The following FAT3 variants were observed in gnomAD, a reference collection of about 807,000 sequenced individuals.
FAT3 encodes the protein FAT atypical cadherin 3, also known as protocadherin Fat 3.
FAT3 carries 95 observed loss-of-function variants against 310.2 expected under a neutral mutation model. The ratio of observed to expected loss-of-function variants is 0.31; its 90% CI spans 0.26 to 0.36. FAT3 has a LOEUF of 0.36. Among genes scored for constraint, FAT3 ranks in the 10% least tolerant of loss-of-function variants. FAT3 has a pLI of 1.00. For synonymous variants in FAT3, 2,314 were observed against 2,192.9 expected (o/e 1.06, Z -1.54); for missense variants, 5,408 against 5,715.6 (o/e 0.95, Z 1.74).
intron 2 of FAT3, chr11:92,498,374 CTATT>C (rs1952829732): frequency 1.3e-5 from 3 of 229,846 alleles, no homozygotes; most frequent in Non-Finnish European, 9.0e-6. Flanking sequence ...TGTCTGGAAT[CTATT>C]TATTGACCAT....
chr11:92,653,429 G>C (rs1052841040), intron 3 of FAT3, among the ~76,000 whole-genome samples: 20 of 152,118 alleles, frequency 1.3e-4, no homozygotes, highest in Non-Finnish European at 2.2e-4. Context: ...GCTCGAAGCT[G>C]ATAGATAAGC....
intron 2 of FAT3, among the ~76,000 whole-genome samples, chr11:92,392,739 G>A (rs567553087): frequency 2.0e-5 from 3 of 152,282 alleles, no homozygotes; most frequent in African/African-American, 7.2e-5. Flanking sequence ...CTCAATAAAG[G>A]TGAAATAAGT....
At chr11:92,863,817 C>A (rs903267137) in intron 21 of FAT3, among the ~76,000 whole-genome samples, 1 of 152,154 alleles carries the variant, frequency 6.6e-6, no homozygotes, top group African/African-American at 2.4e-5. Context: ...AGACAGTGTT[C>A]TTTTCTCTCT....
At chr11:92,865,322 T>G (rs1224683136) in intron 21 of FAT3, among the ~76,000 whole-genome samples, 2 of 152,266 alleles carry the variant, frequency 1.3e-5, no homozygotes, top group Admixed American at 6.5e-5. Context: ...TATTATGAGT[T>G]AAACACGTTT....
chr11:92,418,587 G>A (rs1254468029), intron 2 of FAT3, among the ~76,000 whole-genome samples: 1 of 151,984 alleles, frequency 6.6e-6, no homozygotes, highest in African/African-American at 2.4e-5. Context: ...TGGTAAGGAT[G>A]CTACTTACAG....
At chr11:92,723,140 G>A (rs1944910800) in intron 4 of FAT3, among the ~76,000 whole-genome samples, 1 of 152,138 alleles carries the variant, frequency 6.6e-6, no homozygotes, top group Admixed American at 6.6e-5. Flanking sequence ...AAACTTTTAT[G>A]CTGTTTCCCT....
intron 3 of FAT3, among the ~76,000 whole-genome samples, chr11:92,561,977 G>T (rs1232785804): frequency 1.3e-5 from 2 of 152,128 alleles, no homozygotes; most frequent in Non-Finnish European, 2.9e-5. Context: ...TGCTCATGAA[G>T]TAGGAGTATT....
At chr11:92,572,149 C>G (rs1360949524) in intron 3 of FAT3, among the ~76,000 whole-genome samples, 1 of 152,180 alleles carries the variant, frequency 6.6e-6, no homozygotes, top group Non-Finnish European at 1.5e-5. Flanking sequence ...GGCTCACCAT[C>G]CAGTGTACCT....
At chr11:92,541,342 A>G (rs1228214482) in intron 3 of FAT3, among the ~76,000 whole-genome samples, 1 of 152,140 alleles carries the variant, frequency 6.6e-6, no homozygotes, top group Non-Finnish European at 1.5e-5. Context: ...GGATTTCTCA[A>G]CTCATTTTTG....
intron 2 of FAT3, among the ~76,000 whole-genome samples, chr11:92,410,279 T>G (rs1950227647): frequency 6.6e-6 from 1 of 152,008 alleles, no homozygotes; most frequent in African/African-American, 2.4e-5. Flanking sequence ...CACTTGAATT[T>G]TTTTATAGGT....
chr11:92,547,462 C>T (rs1253071868), intron 3 of FAT3, among the ~76,000 whole-genome samples: 1 of 152,130 alleles, frequency 6.6e-6, no homozygotes, highest in Non-Finnish European at 1.5e-5. Flanking sequence ...AAGTGTAAAA[C>T]TGTAAAATGT....
chr11:92,473,139 C>T (rs1470892000), intron 2 of FAT3, among the ~76,000 whole-genome samples: 1 of 152,180 alleles, frequency 6.6e-6, no homozygotes, highest in African/African-American at 2.4e-5. Flanking sequence ...GCAGCCTTCA[C>T]TTGTGACTCT....
intron 1 of FAT3, among the ~76,000 whole-genome samples, chr11:92,234,403 A>T (rs562738385): frequency 6.6e-6 from 1 of 152,324 alleles, no homozygotes; most frequent in African/African-American, 2.4e-5. Context: ...AAGGGAGAAG[A>T]TGGAACTAGA....
chr11:92,716,253 G>A (rs1054461372), intron 4 of FAT3, among the ~76,000 whole-genome samples: 2 of 152,158 alleles, frequency 1.3e-5, no homozygotes, highest in African/African-American at 4.8e-5. Flanking sequence ...TCTTCCTCAT[G>A]GATGTCAGAA....
At chr11:92,425,436 G>T (rs774701114) in intron 2 of FAT3, among the ~76,000 whole-genome samples, 1 of 151,900 alleles carries the variant, frequency 6.6e-6, no homozygotes, top group Non-Finnish European at 1.5e-5. Context: ...CGTACAGAAC[G>T]TGCAGGTTTG....
In FAT3 at chr11:92,700,980, A is replaced by G. The variant is rs147877716; in HGVS notation, c.3669+3535A>G. Reference sequence around the variant, plus strand: ...TGCAGAAAATAAGTGAAATGGTATCATTGAGAATGTAGAATAGAGTTGTCT... The same window carrying G: ...TGCAGAAAATAAGTGAAATGGTATCGTTGAGAATGTAGAATAGAGTTGTCT... On this transcript the variant is annotated intron_variant, in intron 4 of 27. Coordinates refer to ENST00000525166, the MANE Select transcript of FAT3 (RefSeq NM_001367949.2). Among the ~76,000 whole-genome samples, 231 of 152,302 alleles carry G rather than the reference A, an allele frequency of 1.5e-3. 1 individual carries two copies. Among genetic ancestry groups the G allele is most frequent in the African/African-American group, 5.3e-3 (222 of 41,568 alleles).
intron 2 of FAT3, among the ~76,000 whole-genome samples, chr11:92,401,217 T>C (rs903429637): frequency 5.9e-5 from 9 of 152,120 alleles, no homozygotes; most frequent in Admixed American, 3.9e-4. Context: ...TAGTGGGAGA[T>C]TAATAAGCTC....
chr11:92,507,590 C>G (rs1460891832), intron 2 of FAT3, among the ~76,000 whole-genome samples: 1 of 151,378 alleles, frequency 6.6e-6, no homozygotes, highest in Non-Finnish European at 1.5e-5. Context: ...TCTGTACACC[C>G]TATATAACAT....
chr11:92,632,545 T>C (rs1033606754), intron 3 of FAT3, among the ~76,000 whole-genome samples: 2 of 152,238 alleles, frequency 1.3e-5, no homozygotes, highest in Non-Finnish European at 2.9e-5. Context: ...CTCCTGAAGA[T>C]TAGGCAGTCA....
Sources: allele counts gnomAD v4.1 joint callset (sites outside exome capture counted in the v4.1 genomes callset), GRCh38; gene constraint gnomAD v4.1.1; transcripts MANE v1.5; gene names NCBI Gene and HGNC (gene_info 2026-07-23, HGNC 2026-07-21).